The following DCAF16 variants were observed in gnomAD, a reference collection of about 807,000 sequenced individuals.
The protein encoded by DCAF16 is DDB1- and CUL4-associated factor 16.
A neutral mutation model predicts 17.3 loss-of-function variants in DCAF16; 10 were observed. That is an observed-to-expected ratio of 0.58 (90% CI 0.36 to 0.98). The LOEUF (loss-of-function observed/expected upper bound fraction) is 0.98, where lower values mean the gene tolerates loss of function less well. Among genes scored for constraint, DCAF16 ranks in the 50% least tolerant of loss-of-function variants. The pLI, the probability that DCAF16 is intolerant of heterozygous loss-of-function variation, is 0.01. For missense variants in DCAF16, 249 were observed against 247.6 expected (o/e 1.01, Z -0.04); for synonymous variants, 111 against 92.8 (o/e 1.20, Z -1.12).
intron 1 of DCAF16, among the ~76,000 whole-genome samples, chr4:17,807,595 G>A (rs776711007): frequency 3.3e-5 from 5 of 152,166 alleles, no homozygotes; most frequent in African/African-American, 7.2e-5. Context: ...AGAAATTCCC[G>A]TATGAACAAC....
chr4:17,799,298 C>T (rs781302142), downstream of DCAF16, among the ~76,000 whole-genome samples: 5 of 152,012 alleles, frequency 3.3e-5, no homozygotes, highest in Non-Finnish European at 7.4e-5. Context: ...ATGTGAAGGG[C>T]CAACATATGG....
In DCAF16 at chr4:17,800,848, C is replaced by A. The variant is rs1719697802; in HGVS notation, c.*2643G>T. ...ACCTCTTCCCTACCTCCTCCCACCT[C>A]CACTTAAACAAACAAACAAAAAAAA... On this transcript the variant is annotated 3_prime_UTR_variant, in exon 3 of 3. Transcript: ENST00000382247. The A allele has an allele frequency of 6.7e-6, 1 of 149,826 alleles. No individual in the cohort carries two copies. The highest frequency in any genetic ancestry group is 1.5e-5 in the Non-Finnish European group (1 of 67,754). 9.3% of individuals were successfully genotyped at this position (149,826 alleles called of 1,614,324 possible).
intron 1 of DCAF16, among the ~76,000 whole-genome samples, chr4:17,807,886 T>C (rs73096981): frequency 3.3e-5 from 5 of 152,326 alleles, no homozygotes; most frequent in African/African-American, 9.6e-5. Context: ...ATGGTATGGC[T>C]TCAGGTCAGC....
At position 17,803,460 on chromosome 4, in the gene DCAF16, C is replaced by T; in HGVS notation, c.*31G>A. 2 of 1,589,304 alleles carry T rather than the reference C, an allele frequency of 1.3e-6. No individual in the cohort carries two copies. The highest frequency in any genetic ancestry group is 1.7e-6 in the Non-Finnish European group (2 of 1,162,442). On this transcript the variant is annotated 3_prime_UTR_variant, in exon 3 of 3. Transcript: ENST00000382247. ...TTTGTACCACTTTCTCAATTAGCAA[C>T]ATCAGAGATATCAGAGCAAATGGTA... is the stretch of plus-strand genomic sequence containing the variant.
chr4:17,800,281 CT>C (rs1200601190), downstream of DCAF16, among the ~76,000 whole-genome samples: 10 of 151,556 alleles, frequency 6.6e-5, no homozygotes, highest in African/African-American at 2.2e-4. Flanking sequence ...ATCTTTTTAT[CT>C]TAATTATGGT....
rs1038478860 is a variant in DCAF16, at chr4:17,800,662, T to G, written c.*2829A>C. The G allele has an allele frequency of 6.5e-6, 1 of 152,678 alleles. No homozygotes were observed. The highest frequency in any genetic ancestry group is 1.5e-5 in the Non-Finnish European group (1 of 68,048). The allele number at this position is 152,678 out of a possible 1,614,324, so 9.5% of individuals were successfully genotyped here. A position where few individuals can be genotyped will look rare whatever the true frequency, so the allele number is the denominator to read the frequency against. On this transcript the variant is annotated 3_prime_UTR_variant, in exon 3 of 3. Coordinates refer to ENST00000382247, the MANE Select transcript of DCAF16 (RefSeq NM_017741.4). Reference sequence around the variant, plus strand: ...ACAAATGACCATACTCTGTTCAGCATGTACAAAGCTATTGGTTTATTCAGC... The same window carrying G: ...ACAAATGACCATACTCTGTTCAGCAGGTACAAAGCTATTGGTTTATTCAGC...
downstream of DCAF16, among the ~76,000 whole-genome samples, chr4:17,798,632 C>A (rs1719543385): frequency 6.6e-6 from 1 of 151,980 alleles, no homozygotes; most frequent in Non-Finnish European, 1.5e-5. Context: ...AAAAGAAAAC[C>A]AGGCATTCAT....
At chr4:17,795,158 C>T in the DCAF16 span, among the ~76,000 whole-genome samples, 5 of 152,172 alleles carry the variant, frequency 3.3e-5, no homozygotes, top group Non-Finnish European at 7.3e-5. Flanking sequence ...CAAAATTCTG[C>T]GTTGGAAATC....
Position 17,802,889 on chromosome 4 carries a change from G to C in DCAF16, c.*602C>G, listed in dbSNP as rs1173184047. On this transcript the variant is annotated 3_prime_UTR_variant, in exon 3 of 3. Coordinates refer to ENST00000382247, the MANE Select transcript of DCAF16 (RefSeq NM_017741.4). ...AAGTCTGGATAACAAAAGGGGTGGT[G>C]GTCTACTTTTCTTCATTAATAATCA... The C allele has an allele frequency of 6.6e-6, 1 of 152,446 alleles. No individual in the cohort carries two copies. Among genetic ancestry groups the C allele is most frequent in the Non-Finnish European group, 1.5e-5 (1 of 68,310 alleles). The allele number at this position is 152,446 out of a possible 1,614,324, so 9.4% of individuals were successfully genotyped here.
At chr4:17,794,625 C>A in the DCAF16 span, among the ~76,000 whole-genome samples, 1 of 152,076 alleles carries the variant, frequency 6.6e-6, no homozygotes. Context: ...AAATCAAATA[C>A]GAAAACAAAT....
the DCAF16 span, among the ~76,000 whole-genome samples, chr4:17,794,312 A>G: frequency 2.0e-5 from 3 of 152,282 alleles, no homozygotes; most frequent in South Asian, 2.1e-4. Flanking sequence ...TCATATATAC[A>G]TAGCTTGAAG....
At chr4:17,793,849 C>T in the DCAF16 span, among the ~76,000 whole-genome samples, 1 of 152,028 alleles carries the variant, frequency 6.6e-6, no homozygotes, top group Non-Finnish European at 1.5e-5. Flanking sequence ...TTTGTGATTT[C>T]TTACTTAGAA....
chr4:17,797,029 C>T (rs1719461828), downstream of DCAF16, among the ~76,000 whole-genome samples: 1 of 152,058 alleles, frequency 6.6e-6, no homozygotes, highest in Non-Finnish European at 1.5e-5. Context: ...GTGGCATGAC[C>T]ATAACCCACT....
chr4:17,806,757 C>T (rs2109026236), intron 1 of DCAF16, among the ~76,000 whole-genome samples: 1 of 152,210 alleles, frequency 6.6e-6, no homozygotes, highest in Middle Eastern at 3.4e-3. Flanking sequence ...AAGGGAGTTC[C>T]TATTCTTCAA....
rs939087709 is a variant in DCAF16, at chr4:17,802,700, C to G, written c.*791G>C. The G allele has an allele frequency of 5.3e-5, 8 of 150,654 alleles. No homozygotes were observed. The highest frequency in any genetic ancestry group is 1.2e-4 in the Non-Finnish European group (8 of 67,840). 9.3% of individuals were successfully genotyped at this position (150,654 alleles called of 1,614,324 possible). On this transcript the variant is annotated 3_prime_UTR_variant, in exon 3 of 3. Coordinates refer to ENST00000382247, the MANE Select transcript of DCAF16 (RefSeq NM_017741.4). ...TAAAGAGTGTCATATGTAGGCACAT[C>G]TATATAAAAGCTGGGAAAGAAATTC...
chr4:17,807,636 T>A (rs981819842), intron 1 of DCAF16, among the ~76,000 whole-genome samples: 4 of 152,218 alleles, frequency 2.6e-5, no homozygotes, highest in African/African-American at 9.7e-5. Flanking sequence ...AAGCTACATC[T>A]GTGATGACAG....
chr4:17,796,393 A>G (rs1044095592), downstream of DCAF16, among the ~76,000 whole-genome samples: 1 of 152,178 alleles, frequency 6.6e-6, no homozygotes, highest in African/African-American at 2.4e-5. Flanking sequence ...ATGGTAAAGA[A>G]GAGTGAGAAA....
chr4:17,800,402 G>A (rs994475185), downstream of DCAF16, among the ~76,000 whole-genome samples: 1 of 152,164 alleles, frequency 6.6e-6, no homozygotes, highest in Non-Finnish European at 1.5e-5. Context: ...TTAGGTACCT[G>A]TTATTTTGTG....
chr4:17,807,789 T>C (rs1490768764), intron 1 of DCAF16, among the ~76,000 whole-genome samples: 1 of 152,252 alleles, frequency 6.6e-6, no homozygotes, highest in Admixed American at 6.5e-5. Flanking sequence ...ATGTCTCGTT[T>C]ATGCTACTCT....
Sources: allele counts gnomAD v4.1 joint callset (sites outside exome capture counted in the v4.1 genomes callset), GRCh38; gene constraint gnomAD v4.1.1; transcripts MANE v1.5; gene names NCBI Gene and HGNC (gene_info 2026-07-23, HGNC 2026-07-21).